DGCR2: variants seen among roughly 807,000 people sequenced by gnomAD.
The protein encoded by DGCR2 is integral membrane protein DGCR2/IDD.
DGCR2 carries 24 observed loss-of-function variants against 51.6 expected under a neutral mutation model. The ratio of observed to expected loss-of-function variants is 0.47; its 90% CI spans 0.34 to 0.65. The LOEUF (loss-of-function observed/expected upper bound fraction) is 0.65. Ranked by LOEUF, DGCR2 falls within the 30% of genes least tolerant of loss-of-function variation. DGCR2 has a pLI of 0.01. For synonymous variants in DGCR2, 340 were observed against 315.4 expected, an observed-to-expected ratio of 1.08 and a Z score of -0.82; for missense variants, 765 against 772.1, an observed-to-expected ratio of 0.99 and a Z score of 0.11.
chr22:19,041,748 C>G, intron 8 of DGCR2, 59 bp downstream of exon 8: 4 of 1,570,666 alleles, frequency 2.5e-6, no homozygotes, highest in Non-Finnish European at 3.5e-6. Flanking sequence ...CTCATGGAGA[C>G]ATGGGGTGAC....
chr22:19,103,739 TAAAAAAAAAAAA>T (rs34046451), intron 1 of DGCR2, among the ~76,000 whole-genome samples: 3 of 78,714 alleles, frequency 3.8e-5, no homozygotes, highest in South Asian at 5.4e-4. Flanking sequence ...AAAAAATTCT[TAAAAAAAAAAAA>T]AAAAAAAAAA....
At chr22:19,052,858 C>T (rs2082563810) in intron 6 of DGCR2, among the ~76,000 whole-genome samples, 1 of 152,100 alleles carries the variant, frequency 6.6e-6, no homozygotes, top group Non-Finnish European at 1.5e-5. Flanking sequence ...AAAAAGCCAA[C>T]CCCAAAAGGT....
At chr22:19,061,264 C>A in intron 5 of DGCR2, 1 of 161,992 alleles carries the variant, frequency 6.2e-6, no homozygotes, top group Non-Finnish European at 1.4e-5. Flanking sequence ...TTGTTTTATA[C>A]TCAGTACTGT....
intron 1 of DGCR2, among the ~76,000 whole-genome samples, chr22:19,119,853 T>C (rs2083412932): frequency 6.6e-6 from 1 of 152,050 alleles, no homozygotes; most frequent in South Asian, 2.1e-4. Context: ...CCCAGGTGGC[T>C]TGGCATCATC....
intron 2 of DGCR2, among the ~76,000 whole-genome samples, chr22:19,069,932 A>G (rs2082795084): frequency 1.3e-5 from 2 of 152,226 alleles, no homozygotes. Context: ...CAGAAAGTGA[A>G]GACCTCAAAG....
chr22:19,101,660 G>C (rs1389995715), intron 1 of DGCR2, among the ~76,000 whole-genome samples: 2 of 149,592 alleles, frequency 1.3e-5, no homozygotes, highest in African/African-American at 4.9e-5. Context: ...AGAATCACTT[G>C]AACCAGGGAG....
At chr22:19,104,889 G>A (rs1281690506) in intron 1 of DGCR2, among the ~76,000 whole-genome samples, 1 of 150,678 alleles carries the variant, frequency 6.6e-6, no homozygotes, top group Non-Finnish European at 1.5e-5. Flanking sequence ...CAAAGCAGCA[G>A]CAGCAGCAGA....
intron 1 of DGCR2, among the ~76,000 whole-genome samples, chr22:19,118,016 G>T (rs2146063626): frequency 6.6e-6 from 1 of 152,234 alleles, no homozygotes; most frequent in South Asian, 2.1e-4. Context: ...TCCTTGTGAT[G>T]AAAATATGCA....
intron 3 of DGCR2, among the ~76,000 whole-genome samples, chr22:19,067,447 C>G (rs1462825450): frequency 6.6e-6 from 1 of 152,068 alleles, no homozygotes; most frequent in Admixed American, 6.6e-5. Context: ...AATCCTAGCA[C>G]TTTGGGAGGC....
At chr22:19,075,251 C>T (rs2082862125) in intron 2 of DGCR2, among the ~76,000 whole-genome samples, 1 of 152,082 alleles carries the variant, frequency 6.6e-6, no homozygotes, top group Non-Finnish European at 1.5e-5. Flanking sequence ...CACAGTGAAA[C>T]CCCATCTCTA....
At chr22:19,081,219 C>T (rs2082932622) in intron 2 of DGCR2, among the ~76,000 whole-genome samples, 1 of 152,194 alleles carries the variant, frequency 6.6e-6, no homozygotes, top group Non-Finnish European at 1.5e-5. Flanking sequence ...TTGTGAGCGA[C>T]CTCCCCACAC....
At chr22:19,051,334 C>T (rs6518518) in intron 6 of DGCR2, among the ~76,000 whole-genome samples, 62,723 of 151,782 alleles carry the variant, frequency 0.41, 13,404 homozygotes, top group African/African-American at 0.53. Context: ...TGAAAGCTCA[C>T]CTGAAGAGGA....
chr22:19,050,167 C>A (rs2082534210), intron 6 of DGCR2, among the ~76,000 whole-genome samples: 1 of 152,194 alleles, frequency 6.6e-6, no homozygotes, highest in African/African-American at 2.4e-5. Context: ...AAAGGAGCCA[C>A]AAACTGACAC....
At chr22:19,041,652 T>C (rs1221357811) in intron 8 of DGCR2, 155 bp downstream of exon 8, 1 of 923,772 alleles carries the variant, frequency 1.1e-6, no homozygotes, top group East Asian at 2.5e-5. Flanking sequence ...TGGCAAGAAC[T>C]TTCCTGGCCC....
At chr22:19,122,003 G>A (rs148243732) in intron 1 of DGCR2, 125 bp downstream of exon 1, 8,136 of 547,736 alleles carry the variant, frequency 0.015, 143 homozygotes, top group Middle Eastern at 0.065. Context: ...CGCGAGCCAG[G>A]CCCCGCCCGC....
chr22:19,041,347 C>T (rs2082429635), intron 8 of DGCR2, 53 bp from the exon 9 acceptor site: 1 of 1,565,880 alleles, frequency 6.4e-7, no homozygotes, highest in Non-Finnish European at 8.7e-7. Flanking sequence ...TGGGGGCAGG[C>T]TGCCTGGCTC....
intron 2 of DGCR2, among the ~76,000 whole-genome samples, chr22:19,070,765 A>G (rs1255597549): frequency 6.6e-6 from 1 of 152,130 alleles, no homozygotes; most frequent in African/African-American, 2.4e-5. Flanking sequence ...TTTTTCCATC[A>G]TGCATCTCCA....
intron 6 of DGCR2, among the ~76,000 whole-genome samples, chr22:19,051,017 T>C (rs2082542211): frequency 6.6e-6 from 1 of 151,836 alleles, no homozygotes; most frequent in Admixed American, 6.6e-5. Context: ...TGTGAAACCC[T>C]GTCTCTACTA....
Position 19,036,392 on chromosome 22 carries a change from TAAA to T in DGCR2, c.*2470_*2472del, listed in dbSNP as rs946155453. 1 of 152,312 alleles carries T rather than the reference TAAA, an allele frequency of 6.6e-6. No individual in the cohort carries two copies. The highest frequency in any genetic ancestry group is 2.4e-5 in the African/African-American group (1 of 41,386). The allele number at this position is 152,312 out of a possible 1,614,324, so 9.4% of individuals were successfully genotyped here. Reference sequence around the variant, plus strand: ...AAACTAAAAACCCTTAATGAAAACATAAAAAAACAGGCATCAAGACAATGTACA... The same window carrying T: ...AAACTAAAAACCCTTAATGAAAACATAAAACAGGCATCAAGACAATGTACA... On this transcript the variant is annotated 3_prime_UTR_variant, in exon 10 of 10. Coordinates refer to ENST00000263196, the MANE Select transcript of DGCR2 (RefSeq NM_005137.3).
Sources: allele counts gnomAD v4.1 joint callset (sites outside exome capture counted in the v4.1 genomes callset), GRCh38; gene constraint gnomAD v4.1.1; transcripts MANE v1.5; gene names NCBI Gene and HGNC (gene_info 2026-07-23, HGNC 2026-07-21).